The following GLO1 variants were observed in gnomAD, a reference collection of about 807,000 sequenced individuals.
The protein encoded by GLO1 is lactoylglutathione lyase.
In GLO1, 28 loss-of-function variants were observed where a neutral mutation model predicts 26.0. That is an observed-to-expected ratio of 1.08 (90% CI 0.80 to 1.48). GLO1 has a LOEUF of 1.48. Among genes scored for constraint, GLO1 ranks in the 40% most tolerant of loss-of-function variants. The probability of loss-of-function intolerance (pLI) is 0.00; values close to 1 mark genes in which losing one functional copy is unlikely to be tolerated. For missense variants in GLO1, 225 were observed against 224.8 expected, an observed-to-expected ratio of 1.00 and a Z score of -0.01; for synonymous variants, 78 against 77.6, an observed-to-expected ratio of 1.00 and a Z score of -0.03.
At chr6:38,684,297 TAAACAAAACAAAAA>T in intron 3 of GLO1, 63 bp downstream of exon 3, 1 of 661,986 alleles carries the variant, frequency 1.5e-6, no homozygotes. Context: ...TACTGGTCAG[TAAACAAAACAAAAA>T]AGATTTTTAA....
chr6:38,677,373 T>C lies in GLO1; in HGVS notation c.477A>G (p.Lys159=), dbSNP rs763606240. 1 of 1,485,416 alleles carries C rather than the reference T, an allele frequency of 6.7e-7. No homozygotes were observed. Among genetic ancestry groups the C allele is most frequent in the South Asian group, 1.1e-5 (1 of 87,764 alleles). The allele number at this position is 1,485,416 out of a possible 1,614,324, so 92.0% of individuals were successfully genotyped here. A position where few individuals can be genotyped will look rare whatever the true frequency, so the allele number is the denominator to read the frequency against. Residue 159 remains lysine (K), a synonymous_variant, in exon 6 of 6, where the codon AAA becomes AAG. Transcript: ENST00000373365. ...CAGGATCTTGAATAAATGCCAGGCC[T>C]TTCATTTTACCTGTAAAATGAAAAT... ...FVKKPDDGKM[K]GLAFIQDPDG...
chr6:38,680,573 A>C (rs1211551697), intron 5 of GLO1, among the ~76,000 whole-genome samples: 1 of 152,218 alleles, frequency 6.6e-6, no homozygotes, highest in African/African-American at 2.4e-5. Context: ...AGGTATTTAA[A>C]TAAAAGAACA....
At position 38,677,070 on chromosome 6, in the gene GLO1, A is replaced by G; in HGVS notation, c.*225T>C. 2.0e-6 allele frequency: 1 copy of G among 512,722 alleles called. No homozygotes were observed. The highest frequency in any genetic ancestry group is 3.4e-6 in the Non-Finnish European group (1 of 294,822). 31.8% of individuals were successfully genotyped at this position (512,722 alleles called of 1,614,324 possible). On this transcript the variant is annotated 3_prime_UTR_variant, in exon 6 of 6. Transcript: ENST00000373365. ...GTTCTAATTATTACCTAAAAAATAA[A>G]GTTACACAACTATATTCAAGGACAT...
chr6:38,701,664 C>T (rs892017447), intron 1 of GLO1, among the ~76,000 whole-genome samples: 1 of 152,074 alleles, frequency 6.6e-6, no homozygotes, highest in African/African-American at 2.4e-5. Context: ...CTTAATTTTG[C>T]AATGACTAAC....
At chr6:38,692,064 A>G (rs1761539022) in intron 1 of GLO1, among the ~76,000 whole-genome samples, 1 of 148,888 alleles carries the variant, frequency 6.7e-6, no homozygotes, top group East Asian at 2.0e-4. Context: ...TTGCCTTTCA[A>G]TCTAGAATAA....
Position 38,675,972 on chromosome 6 carries a change from C to A in GLO1, c.*1323G>T, listed in dbSNP as rs1389760219. The stretch of plus-strand genomic sequence containing the variant: ...ATTTGAAGTTTCATTTTATTTCAGT[C>A]TATAAGTATTGCTATTTGTTTAAAG... On this transcript the variant is annotated 3_prime_UTR_variant, in exon 6 of 6. Coordinates refer to ENST00000373365, the MANE Select transcript of GLO1 (RefSeq NM_006708.3). The A allele has an allele frequency of 6.6e-6, 1 of 150,952 alleles. No individual in the cohort carries two copies. The highest frequency in any genetic ancestry group is 2.4e-5 in the African/African-American group (1 of 41,096). The allele number at this position is 150,952 out of a possible 1,614,324, so 9.4% of individuals were successfully genotyped here.
intron 4 of GLO1, 90 bp from the exon 5 acceptor site, chr6:38,682,191 T>C (rs1761392118): frequency 1.3e-6 from 1 of 787,978 alleles, no homozygotes; most frequent in Non-Finnish European, 2.3e-6. Flanking sequence ...CCAAAACTTG[T>C]TTATTTCAAA....
chr6:38,702,478 A>T (rs935548891), intron 1 of GLO1, among the ~76,000 whole-genome samples: 1 of 151,998 alleles, frequency 6.6e-6, no homozygotes, highest in Admixed American at 6.5e-5. Flanking sequence ...GGCTGTTGTG[A>T]CCCACAGCAA....
chr6:38,682,131 G>A, intron 4 of GLO1, 30 bp from the exon 5 acceptor site: 1 of 1,154,928 alleles, frequency 8.7e-7, no homozygotes, highest in Non-Finnish European at 1.3e-6. Flanking sequence ...AAAAAGCAGA[G>A]AGAAGGAAGA....
intron 5 of GLO1, among the ~76,000 whole-genome samples, chr6:38,681,508 CAA>C (rs1180971742): frequency 1.6e-4 from 25 of 152,064 alleles, no homozygotes; most frequent in African/African-American, 6.0e-4. Flanking sequence ...AAAATAATAA[CAA>C]TACATGTAAA....
intron 1 of GLO1, among the ~76,000 whole-genome samples, chr6:38,689,018 G>C (rs1761496678): frequency 6.6e-6 from 1 of 152,230 alleles, no homozygotes; most frequent in Non-Finnish European, 1.5e-5. Flanking sequence ...CCAACCTGCA[G>C]GTGCTGGCTC....
chr6:38,678,316 G>GAA (rs1554186589), intron 5 of GLO1, among the ~76,000 whole-genome samples: 3 of 147,188 alleles, frequency 2.0e-5, no homozygotes, highest in South Asian at 2.2e-4. Flanking sequence ...AAGAAAGAAA[G>GAA]AGAGAAAGAG....
chr6:38,677,194 C>G lies in GLO1; in HGVS notation c.*101G>C. On this transcript the variant is annotated 3_prime_UTR_variant, in exon 6 of 6. Coordinates refer to ENST00000373365, the MANE Select transcript of GLO1 (RefSeq NM_006708.3). ...AAATGGACTGAAGAATAATTTGAAT[C>G]GGGACAGTGATCCATCAGTCCTAGA... 1.4e-6 allele frequency: 1 copy of G among 733,652 alleles called. No homozygotes were observed. The highest frequency in any genetic ancestry group is 2.5e-6 in the Non-Finnish European group (1 of 406,278). 45.4% of individuals were successfully genotyped at this position (733,652 alleles called of 1,614,324 possible).
chr6:38,700,122 A>T (rs1264743378), intron 1 of GLO1, among the ~76,000 whole-genome samples: 2 of 152,156 alleles, frequency 1.3e-5, no homozygotes, highest in Non-Finnish European at 2.9e-5. Context: ...CAGCTGTAAA[A>T]TTCCTCTCTT....
intron 1 of GLO1, among the ~76,000 whole-genome samples, chr6:38,687,895 ATT>A (rs890304075): frequency 6.9e-6 from 1 of 144,302 alleles, no homozygotes; most frequent in Non-Finnish European, 1.5e-5. Context: ...TTCCTAACAG[ATT>A]TTTTTTTTTT....
chr6:38,688,199 A>T (rs927556744), intron 1 of GLO1, among the ~76,000 whole-genome samples: 2 of 152,168 alleles, frequency 1.3e-5, no homozygotes, highest in African/African-American at 2.4e-5. Flanking sequence ...CGCAGCTTAT[A>T]ATCACATGCC....
chr6:38,700,113 A>G (rs1355744433), intron 1 of GLO1, among the ~76,000 whole-genome samples: 1 of 152,228 alleles, frequency 6.6e-6, no homozygotes, highest in Non-Finnish European at 1.5e-5. Context: ...CCGGCAGCCC[A>G]GCTGTAAAAT....
At chr6:38,681,131 T>C (rs1219117902) in intron 5 of GLO1, among the ~76,000 whole-genome samples, 1 of 152,126 alleles carries the variant, frequency 6.6e-6, no homozygotes, top group East Asian at 1.9e-4. Context: ...TGGTGCGATC[T>C]TGGCTCACTG....
chr6:38,683,447 A>T (rs1174832031), intron 3 of GLO1, among the ~76,000 whole-genome samples: 3 of 152,258 alleles, frequency 2.0e-5, no homozygotes, highest in African/African-American at 4.8e-5. Flanking sequence ...GGAACACATG[A>T]TATCACATTT....
Sources: gnomAD v4.1 joint callset for allele counts (sites outside exome capture counted in the v4.1 genomes callset) on GRCh38, gnomAD v4.1.1 for gene constraint, MANE v1.5 for transcripts, NCBI Gene and HGNC (gene_info 2026-07-23, HGNC 2026-07-21) for gene names.